The following EXD1 variants were observed in gnomAD, a reference collection of about 807,000 sequenced individuals.
EXD1 encodes the protein piRNA biogenesis protein EXD1.
Under a neutral mutation model 49.1 loss-of-function variants are expected in EXD1, and 63 were observed. The ratio of observed to expected loss-of-function variants is 1.28; its 90% confidence interval spans 1.05 to 1.58. EXD1 has a LOEUF of 1.58. EXD1 is among the 40% of genes most tolerant of loss of function. EXD1 has a pLI of 0.00. For synonymous variants in EXD1, 234 were observed against 239.2 expected (o/e 0.98, Z 0.20); for missense variants, 748 against 666.0 (o/e 1.12, Z -1.36).
intron 11 of EXD1, among the ~76,000 whole-genome samples, chr15:41,185,107 G>A (rs182671912): frequency 6.6e-6 from 1 of 152,166 alleles, no homozygotes; most frequent in African/African-American, 2.4e-5. Context: ...ATAGGGCTGT[G>A]TGTCTCTGTG....
intron 7 of EXD1, among the ~76,000 whole-genome samples, chr15:41,206,909 T>A (rs2046834324): frequency 7.3e-6 from 1 of 137,086 alleles, no homozygotes; most frequent in African/African-American, 2.7e-5. Flanking sequence ...CATGAGCCAC[T>A]GTGCCTGCCC....
chr15:41,228,760 G>A (rs1049136048), intron 1 of EXD1, among the ~76,000 whole-genome samples: 4 of 152,028 alleles, frequency 2.6e-5, no homozygotes, highest in South Asian at 2.1e-4. Context: ...GTGCAGTACC[G>A]CTATCTTGGC....
At chr15:41,218,840 G>T (rs762721789) in intron 3 of EXD1, among the ~76,000 whole-genome samples, 1 of 152,184 alleles carries the variant, frequency 6.6e-6, no homozygotes, top group Non-Finnish European at 1.5e-5. Flanking sequence ...CCCTGAAGTG[G>T]CTCTGGATTG....
chr15:41,189,683 A>C (rs1174307560), intron 11 of EXD1, among the ~76,000 whole-genome samples: 1 of 151,680 alleles, frequency 6.6e-6, no homozygotes, highest in Admixed American at 6.6e-5. Flanking sequence ...AATAAATAAA[A>C]TAAAATAAAA....
intron 7 of EXD1, 107 bp downstream of exon 7, chr15:41,209,394 A>G: frequency 1.1e-6 from 1 of 913,840 alleles, no homozygotes; most frequent in Non-Finnish European, 1.7e-6. Context: ...TCAGTGACAG[A>G]GTGAGATCCC....
intron 5 of EXD1, 113 bp from the exon 6 acceptor site, chr15:41,215,946 T>TA: frequency 9.3e-7 from 1 of 1,071,632 alleles, no homozygotes; most frequent in South Asian, 1.3e-5. Context: ...TCAAATACCC[T>TA]AAAATTGCAA....
chr15:41,215,237 T>C (rs993914923), intron 6 of EXD1, among the ~76,000 whole-genome samples: 1 of 152,234 alleles, frequency 6.6e-6, no homozygotes, highest in Non-Finnish European at 1.5e-5. Context: ...CACTTGTTTA[T>C]TGTCTTGCAT....
intron 7 of EXD1, among the ~76,000 whole-genome samples, chr15:41,198,473 C>G (rs7179676): frequency 0.27 from 40,820 of 151,866 alleles, 7,398 homozygotes; most frequent in African/African-American, 0.51. Context: ...AGGAGGATCT[C>G]TTGAACCCAG....
rs376831027 is a variant in EXD1 at position 41,195,840 on chromosome 15, G to A, written c.655C>T (p.Arg219Cys). 33 of 1,613,494 alleles carry A rather than the reference G, an allele frequency of 2.0e-5. No individual in the cohort carries two copies. The highest frequency in any genetic ancestry group is 2.0e-4 in the African/African-American group (15 of 74,990). ...TGAGAGAGGCAATCAGAAAGCCAAC[G>A]ACAATCATGGATAACCTAAGGAATC... ...KRILKVIHDC[R>C]WLSDCLSHQY... Residue 219 changes from arginine to cysteine, a missense_variant, in exon 9 of 12, where the codon CGT becomes TGT. By Grantham distance (180) the Arg-to-Cys change is radical. Transcript: ENST00000458580.
chr15:41,215,993 T>C (rs546649101), intron 5 of EXD1, among the ~76,000 whole-genome samples, 160 bp from the exon 6 acceptor site: 1 of 152,254 alleles, frequency 6.6e-6, no homozygotes, highest in Non-Finnish European at 1.5e-5. Flanking sequence ...CTTCCTTTTT[T>C]TTCCTCCTTA....
chr15:41,228,337 CAAAT>C (rs1339886476), intron 1 of EXD1, among the ~76,000 whole-genome samples: 33 of 152,134 alleles, frequency 2.2e-4, no homozygotes, highest in Admixed American at 2.2e-3. Context: ...AATTTTCGGT[CAAAT>C]AAATAACCTA....
chr15:41,212,454 C>CA (rs143179994), intron 6 of EXD1, among the ~76,000 whole-genome samples: 24,104 of 150,284 alleles, frequency 0.16, 3,501 homozygotes, highest in African/African-American at 0.39. Context: ...GACTCCGTCT[C>CA]AAAAAAAAAG....
intron 11 of EXD1, among the ~76,000 whole-genome samples, chr15:41,189,675 T>TAAATA (rs567756169): frequency 8.1e-4 from 123 of 150,950 alleles, no homozygotes; most frequent in East Asian, 5.4e-3. Context: ...AAAAAATAAA[T>TAAATA]AAATAAAATA....
rs576807188 is a variant in EXD1, at chr15:41,184,678, G to A, written c.1057-85C>T. On this transcript the variant is annotated intron_variant, in intron 11 of 11. Coordinates refer to ENST00000458580, the MANE Select transcript of EXD1 (RefSeq NM_001286441.2). ...AATCACTTTTTTTTTTTTTTGAGAT[G>A]GAGTCTCGCTCTGTCGCCCAGGCTG... The A allele has an allele frequency of 1.3e-3, 1,119 of 861,516 alleles. 8 individuals are homozygous for A. The African/African-American group carries it at 0.017, about 13-fold the overall frequency. The allele number at this position is 861,516 out of a possible 1,614,324, so 53.4% of individuals were successfully genotyped here.
intron 7 of EXD1, among the ~76,000 whole-genome samples, chr15:41,209,257 CA>C (rs1370851182): frequency 6.6e-6 from 1 of 151,778 alleles, no homozygotes; most frequent in Admixed American, 6.6e-5. Flanking sequence ...GACCCCATCT[CA>C]AAAAAACAAA....
chr15:41,211,990 T>C (rs1257707394), intron 6 of EXD1, among the ~76,000 whole-genome samples: 1 of 151,288 alleles, frequency 6.6e-6, no homozygotes, highest in Non-Finnish European at 1.5e-5. Context: ...AGGATCTAAA[T>C]AGACATTTCT....
chr15:41,220,463 T>G (rs1202687429), intron 2 of EXD1, among the ~76,000 whole-genome samples: 1 of 152,118 alleles, frequency 6.6e-6, no homozygotes, highest in Admixed American at 6.6e-5. Flanking sequence ...TTTCACCGTG[T>G]TAGCCAGGAT....
chr15:41,196,302 C>T (rs1038943353), intron 7 of EXD1, among the ~76,000 whole-genome samples: 53 of 147,556 alleles, frequency 3.6e-4, no homozygotes, highest in African/African-American at 1.2e-3. Context: ...TGCGGCACCA[C>T]GCCCAGCTAA....
chr15:41,221,697 T>C (rs1329218156), intron 2 of EXD1, among the ~76,000 whole-genome samples: 1 of 151,974 alleles, frequency 6.6e-6, no homozygotes, highest in African/African-American at 2.4e-5. Flanking sequence ...TTGTCCCTCA[T>C]CCTTTTTCCT....
Sources: gnomAD v4.1 joint callset for allele counts (sites outside exome capture counted in the v4.1 genomes callset) on GRCh38, gnomAD v4.1.1 for gene constraint, MANE v1.5 for transcripts, NCBI Gene and HGNC (gene_info 2026-07-23, HGNC 2026-07-21) for gene names.